The following ZSCAN21 variants were observed in gnomAD, a reference collection of about 807,000 sequenced individuals.
ZSCAN21 encodes the protein zinc finger and SCAN domain containing 21.
ZSCAN21 carries 26 observed loss-of-function variants against 35.6 expected under a neutral mutation model. That is an observed-to-expected ratio of 0.73 (90% CI 0.54 to 1.01). ZSCAN21 has a LOEUF of 1.01. Ranked by LOEUF, ZSCAN21 falls within the 50% of genes least tolerant of loss-of-function variation. The pLI, the probability that ZSCAN21 is intolerant of heterozygous loss-of-function variation, is 0.00. For missense variants in ZSCAN21, 593 were observed against 587.1 expected, an observed-to-expected ratio of 1.01 and a Z score of -0.10; for synonymous variants, 219 against 219.3, an observed-to-expected ratio of 1.00 and a Z score of 0.01.
chr7:100,065,010 A>T lies in ZSCAN21; in HGVS notation c.*393A>T. On this transcript the variant is annotated 3_prime_UTR_variant, in exon 4 of 4. Transcript: ENST00000292450. ...GAGCCACATTGAACACAATTGAATG[A>T]GATTCAGAATAAACTTATAACATCT... The T allele has an allele frequency of 6.8e-7, 1 of 1,471,486 alleles. No homozygotes were observed. Among genetic ancestry groups the T allele is most frequent in the Middle Eastern group, 1.8e-4 (1 of 5,666 alleles). 91.2% of individuals were successfully genotyped at this position (1,471,486 alleles called of 1,614,324 possible).
intron 3 of ZSCAN21, among the ~76,000 whole-genome samples, chr7:100,059,789 A>G (rs531705459): frequency 6.6e-5 from 10 of 152,130 alleles, no homozygotes; most frequent in African/African-American, 2.4e-4. Flanking sequence ...GGCTCACCGC[A>G]ACCTCCGCAT....
intron 1 of ZSCAN21, among the ~76,000 whole-genome samples, chr7:100,056,175 G>A (rs1460982842): frequency 2.0e-5 from 3 of 151,294 alleles, no homozygotes; most frequent in African/African-American, 4.9e-5. Flanking sequence ...TCCTGACCTC[G>A]TGATCCGCCC....
At chr7:100,052,436 TAAAA>T (rs1345003718) in intron 1 of ZSCAN21, among the ~76,000 whole-genome samples, 1 of 150,162 alleles carries the variant, frequency 6.7e-6, no homozygotes, top group Non-Finnish European at 1.5e-5. Flanking sequence ...CTCTAAAAAA[TAAAA>T]AAATTAAATT....
intron 1 of ZSCAN21, among the ~76,000 whole-genome samples, chr7:100,052,158 G>T (rs1791903517): frequency 1.3e-5 from 2 of 152,110 alleles, no homozygotes. Flanking sequence ...TTTGGAGGCT[G>T]AGGTGAGAGG....
rs756461700 is a variant in ZSCAN21 at position 100,057,011 on chromosome 7, T to A, written c.5T>A (p.Met2Lys). The A allele has an allele frequency of 2.5e-6, 4 of 1,588,328 alleles. No individual in the cohort carries two copies. The highest frequency in any genetic ancestry group is 3.4e-6 in the Non-Finnish European group (4 of 1,165,998). The stretch of plus-strand genomic sequence containing the variant: ...GAGGCTGTTTCTGGAGTTTACATGA[T>A]GACCAAGGTACTAGGCATGGCCCCA... M[M>K]TKVLGMAPVL... The change falls in exon 2 of 4, where the codon ATG becomes AAG. Residue 2 changes from methionine to lysine, a missense_variant. Met to Lys is a moderately conservative substitution (Grantham distance 95, BLOSUM62 -1). Coordinates refer to ENST00000292450, the MANE Select transcript of ZSCAN21 (RefSeq NM_145914.3).
At chr7:100,053,565 T>TG in intron 1 of ZSCAN21, among the ~76,000 whole-genome samples, 1 of 141,020 alleles carries the variant, frequency 7.1e-6, no homozygotes, top group Non-Finnish European at 1.6e-5. Context: ...TTTTTTTTTT[T>TG]TTTGCAACAG....
intron 3 of ZSCAN21, 91 bp from the exon 4 acceptor site, chr7:100,063,697 A>G: frequency 8.1e-7 from 1 of 1,233,038 alleles, no homozygotes; most frequent in Non-Finnish European, 1.1e-6. Context: ...AGAAACCATC[A>G]GTCTCACCTG....
rs1022698050 is a variant in ZSCAN21 at position 100,064,604 on chromosome 7, G to A, written c.1409G>A (p.Gly470Glu). ...CATCAGCGAGTCCACACTGGAGAGGGAGAAGCACCGTAACTTTCAAGCGCT... is the reference window on the plus strand; with the variant it reads ...CATCAGCGAGTCCACACTGGAGAGGAAGAAGCACCGTAACTTTCAAGCGCT... ...SKHQRVHTGEGEAP is the reference protein window; with the variant it reads ...SKHQRVHTGEEEAP The change falls in exon 4 of 4, where the codon GGA (glycine) becomes GAA (glutamate). Residue 470 changes from glycine (G) to glutamate (E), a missense_variant. Coordinates refer to ENST00000292450, the MANE Select transcript of ZSCAN21 (RefSeq NM_145914.3). The A allele has an allele frequency of 6.2e-7, 1 of 1,613,378 alleles. No homozygotes were observed. The highest frequency in any genetic ancestry group is 8.5e-7 in the Non-Finnish European group (1 of 1,179,670).
chr7:100,056,766 T>C, intron 1 of ZSCAN21, 145 bp from the exon 2 acceptor site: 1 of 399,986 alleles, frequency 2.5e-6, no homozygotes, highest in Non-Finnish European at 4.5e-6. Flanking sequence ...ACCCAGCTCA[T>C]TCCAGAAAGA....
intron 3 of ZSCAN21, among the ~76,000 whole-genome samples, chr7:100,060,880 A>G (rs1792266124): frequency 6.9e-6 from 1 of 144,332 alleles, no homozygotes; most frequent in South Asian, 2.2e-4. Flanking sequence ...AAAAAAAAAC[A>G]TTTCTACTAA....
chr7:100,052,476 G>T (rs925400990), intron 1 of ZSCAN21, among the ~76,000 whole-genome samples: 1 of 151,948 alleles, frequency 6.6e-6, no homozygotes, highest in Non-Finnish European at 1.5e-5. Flanking sequence ...AAGAGGATTC[G>T]GGATGACCCC....
chr7:100,054,813 G>A (rs1281679446), intron 1 of ZSCAN21, among the ~76,000 whole-genome samples: 7 of 143,944 alleles, frequency 4.9e-5, no homozygotes, highest in Non-Finnish European at 9.1e-5. Context: ...TACTCTAGCC[G>A]GGGCAGCAGA....
In ZSCAN21 at chr7:100,057,736, G is replaced by A. The variant is rs1228424604; in HGVS notation, c.438G>A (p.Glu146=). The A allele has an allele frequency of 6.2e-7, 1 of 1,613,638 alleles. No homozygotes were observed. Among genetic ancestry groups the A allele is most frequent in the South Asian group, 1.1e-5 (1 of 91,004 alleles). The change falls in exon 3 of 4, where the codon GAG becomes GAA. Residue 146 remains glutamate, a synonymous_variant. Coordinates refer to ENST00000292450, the MANE Select transcript of ZSCAN21 (RefSeq NM_145914.3). The part of the protein sequence containing the change: ...TPPNEQKPVW[E]KISSSGTAKE... The stretch of plus-strand genomic sequence containing the variant: ...CAAACGAACAGAAACCGGTGTGGGA[G>A]AAGATATCCTCCTCAGGAACTGCAA...
intron 3 of ZSCAN21, 47 bp from the exon 4 acceptor site, chr7:100,063,741 C>G: frequency 1.3e-6 from 2 of 1,532,230 alleles, no homozygotes; most frequent in Non-Finnish European, 1.8e-6. Flanking sequence ...GTTTCTTCCT[C>G]AGAACAAGAA....
intron 3 of ZSCAN21, among the ~76,000 whole-genome samples, chr7:100,061,316 G>A (rs975054336): frequency 3.3e-5 from 5 of 152,188 alleles, no homozygotes; most frequent in African/African-American, 1.2e-4. Context: ...GAGGCCAGGA[G>A]TTTGAGGCTA....
intron 3 of ZSCAN21, among the ~76,000 whole-genome samples, chr7:100,063,181 G>A (rs977843849): frequency 1.1e-4 from 16 of 152,334 alleles, no homozygotes; most frequent in Middle Eastern, 3.4e-3. Context: ...GGCGTGAGCC[G>A]CTGTGCCCGG....
chr7:100,058,718 G>T (rs992389528), intron 3 of ZSCAN21, among the ~76,000 whole-genome samples: 4 of 152,208 alleles, frequency 2.6e-5, no homozygotes, highest in Non-Finnish European at 1.5e-5. Flanking sequence ...GTGTTTTTGT[G>T]TGTTTTTCTG....
chr7:100,063,379 C>T (rs1421886662), intron 3 of ZSCAN21, among the ~76,000 whole-genome samples: 1 of 152,130 alleles, frequency 6.6e-6, no homozygotes. Flanking sequence ...AGGCGGATCA[C>T]CTGAGGTCAG....
rs1792545644 is a variant in ZSCAN21 at position 100,064,645 on chromosome 7, GT to G, written c.*32del. 2 of 1,603,196 alleles carry G rather than the reference GT, an allele frequency of 1.2e-6. No individual in the cohort carries two copies. The highest frequency in any genetic ancestry group is 1.7e-5 in the Admixed American group (1 of 58,128). On this transcript the variant is annotated 3_prime_UTR_variant, in exon 4 of 4. Transcript: ENST00000292450. ...TTCAAGCGCTCCTGTTGTTGTCGTT[GT>G]TTTAAACTTTAGAATCTGAAAACCA... is the stretch of plus-strand genomic sequence containing the variant.
Sources: allele counts gnomAD v4.1 joint callset (sites outside exome capture counted in the v4.1 genomes callset), GRCh38; gene constraint gnomAD v4.1.1; transcripts MANE v1.5; gene names NCBI Gene and HGNC (gene_info 2026-07-23, HGNC 2026-07-21).